Variants in ANKRD62 observed in about 807,000 individuals in gnomAD.
ANKRD62 encodes ankyrin repeat domain 62.
ANKRD62 carries 61 observed loss-of-function variants against 98.8 expected under a neutral mutation model. That is an observed-to-expected ratio of 0.62 (90% CI 0.50 to 0.76). The LOEUF is 0.76. Among genes scored for constraint, ANKRD62 ranks in the 30% least tolerant of loss-of-function variants. The probability of loss-of-function intolerance (pLI) is 0.00; values close to 1 mark genes in which losing one functional copy is unlikely to be tolerated. For synonymous variants in ANKRD62, 341 were observed against 367.9 expected, an observed-to-expected ratio of 0.93 and a Z score of 0.84; for missense variants, 933 against 1,082.9, an observed-to-expected ratio of 0.86 and a Z score of 1.94.
the ANKRD62 span, among the ~76,000 whole-genome samples, chr18:12,138,553 C>T: frequency 2.6e-5 from 4 of 152,112 alleles, no homozygotes; most frequent in African/African-American, 9.7e-5. Context: ...CTGTAGATGT[C>T]TATTAGGTCC....
chr18:12,100,234 T>C (rs1909270389), intron 6 of ANKRD62, among the ~76,000 whole-genome samples: 1 of 152,138 alleles, frequency 6.6e-6, no homozygotes, highest in African/African-American at 2.4e-5. Context: ...ATTAGTTATA[T>C]GTATTATATA....
At chr18:12,134,837 G>C in the ANKRD62 span, among the ~76,000 whole-genome samples, 5 of 152,196 alleles carry the variant, frequency 3.3e-5, no homozygotes, top group African/African-American at 1.2e-4. Flanking sequence ...ATAAACATAC[G>C]TGTGCATGTC....
chr18:12,159,854 A>G, the ANKRD62 span, among the ~76,000 whole-genome samples: 93,236 of 151,910 alleles, frequency 0.61, 29,046 homozygotes, highest in Middle Eastern at 0.76. Flanking sequence ...AAAATATATA[A>G]CTGAATAAAA....
At chr18:12,102,302 A>C (rs1431215667) in intron 6 of ANKRD62, 24 of 727,264 alleles carry the variant, frequency 3.3e-5, no homozygotes, top group Non-Finnish European at 5.4e-5. Flanking sequence ...CCTGGGAACC[A>C]GAATGGTGGC....
rs542603589 is a variant in ANKRD62 at position 12,120,742 on chromosome 18, T to C, written c.1241-1561T>C. On this transcript the variant is annotated intron_variant, in intron 10 of 13. Transcript: ENST00000587848. ...TTTCCTTTAGATTAATCAGCTATTT[T>C]CTATGATTTGATTTCATATTTCTTT... Among the ~76,000 whole-genome samples, 3 of 152,340 alleles carry C rather than the reference T, an allele frequency of 2.0e-5. 1 individual carries two copies. The South Asian group carries it at 6.2e-4, about 32-fold the overall frequency.
the ANKRD62 span, among the ~76,000 whole-genome samples, chr18:12,181,371 T>A: frequency 6.6e-6 from 1 of 152,196 alleles, no homozygotes; most frequent in Non-Finnish European, 1.5e-5. Context: ...TGGAATAACA[T>A]TCACCATATA....
chr18:12,116,424 A>G (rs113109300), intron 10 of ANKRD62, among the ~76,000 whole-genome samples: 1 of 152,348 alleles, frequency 6.6e-6, no homozygotes, highest in African/African-American at 2.4e-5. Context: ...TCATATACAC[A>G]AACTTTGTTT....
the ANKRD62 span, among the ~76,000 whole-genome samples, chr18:12,175,820 A>G: frequency 6.6e-6 from 1 of 152,016 alleles, no homozygotes; most frequent in East Asian, 1.9e-4. Flanking sequence ...TTAGGCACAC[A>G]TAGTGAGGGA....
chr18:12,179,368 G>A, the ANKRD62 span, among the ~76,000 whole-genome samples: 1 of 135,858 alleles, frequency 7.4e-6, no homozygotes, highest in African/African-American at 2.8e-5. Flanking sequence ...TAAAATTGTG[G>A]GAGAGAGTGG....
downstream of ANKRD62, among the ~76,000 whole-genome samples, chr18:12,130,073 G>T (rs192484302): frequency 2.2e-3 from 337 of 152,262 alleles, no homozygotes; most frequent in Non-Finnish European, 2.5e-3. Context: ...TGTAGTAGGA[G>T]AATTGTATCA....
At chr18:12,167,011 A>G in the ANKRD62 span, among the ~76,000 whole-genome samples, 3 of 151,438 alleles carry the variant, frequency 2.0e-5, no homozygotes, top group Admixed American at 6.6e-5. Context: ...GCTCAGAATG[A>G]TGGTTTCCAG....
intron 7 of ANKRD62, among the ~76,000 whole-genome samples, chr18:12,103,818 A>G (rs185916438): frequency 2.0e-5 from 3 of 152,254 alleles, no homozygotes; most frequent in Admixed American, 2.0e-4. Context: ...AACATAGGAA[A>G]TCTGCAAATA....
At chr18:12,102,624 C>A in intron 6 of ANKRD62, 1 of 639,726 alleles carries the variant, frequency 1.6e-6, no homozygotes, top group Non-Finnish European at 2.0e-6. Context: ...GAGCCAGAAT[C>A]AGAGAAGAGT....
the ANKRD62 span, among the ~76,000 whole-genome samples, chr18:12,171,394 T>G: frequency 6.6e-6 from 1 of 152,236 alleles, no homozygotes; most frequent in South Asian, 2.1e-4. Flanking sequence ...CCTTCACTTA[T>G]GAAACTTAGT....
chr18:12,130,785 C>T (rs1443722616), downstream of ANKRD62, among the ~76,000 whole-genome samples: 2 of 151,968 alleles, frequency 1.3e-5, no homozygotes, highest in Non-Finnish European at 2.9e-5. Context: ...CTCTGCCTCC[C>T]AGGTTCAGGC....
Position 12,128,712 on chromosome 18 carries a change from T to C in ANKRD62, c.*773T>C, listed in dbSNP as rs970650308. On this transcript the variant is annotated 3_prime_UTR_variant, in exon 14 of 14. Transcript: ENST00000587848. ...TCTATTTTAATTATTTTTCTGTTTG[T>C]TTTAAAATTTTCTTCTGGTTTCCCT... The C allele has an allele frequency of 1.2e-4, 18 of 152,226 alleles. No individual in the cohort carries two copies. Among genetic ancestry groups the C allele is most frequent in the African/African-American group, 4.3e-4 (18 of 41,452 alleles). The allele number at this position is 152,226 out of a possible 1,614,324, so 9.4% of individuals were successfully genotyped here. A position where few individuals can be genotyped will look rare whatever the true frequency, so the allele number is the denominator to read the frequency against.
In ANKRD62 at chr18:12,128,465, T is replaced by C. The variant is rs1454379629; in HGVS notation, c.*526T>C. The C allele has an allele frequency of 6.6e-6, 1 of 152,280 alleles. No homozygotes were observed. The highest frequency in any genetic ancestry group is 6.5e-5 in the Admixed American group (1 of 15,278). 9.4% of individuals were successfully genotyped at this position (152,280 alleles called of 1,614,324 possible). On this transcript the variant is annotated 3_prime_UTR_variant, in exon 14 of 14. Transcript: ENST00000587848. ...TAGCATTTGCCAACATGTATGTGTC[T>C]ACTTTCTCTTGCTTAAAACAAAAAC...
intron 6 of ANKRD62, among the ~76,000 whole-genome samples, chr18:12,100,154 C>T (rs938595465): frequency 2.0e-5 from 3 of 152,038 alleles, no homozygotes; most frequent in African/African-American, 4.8e-5. Context: ...TGGACTCCCC[C>T]CTAAAACTTA....
the ANKRD62 span, among the ~76,000 whole-genome samples, chr18:12,168,768 C>G: frequency 6.6e-6 from 1 of 152,122 alleles, no homozygotes; most frequent in African/African-American, 2.4e-5. Flanking sequence ...TAACCATGAG[C>G]GTGGGAAGTT....
Sources: allele counts gnomAD v4.1 joint callset (sites outside exome capture counted in the v4.1 genomes callset), GRCh38; gene constraint gnomAD v4.1.1; transcripts MANE v1.5; gene names NCBI Gene and HGNC (gene_info 2026-07-23, HGNC 2026-07-21).